CDH12: variants seen among roughly 807,000 people sequenced by gnomAD.
The protein encoded by CDH12 is cadherin-12.
In CDH12, 41 loss-of-function variants were observed where a neutral mutation model predicts 74.1. The observed-to-expected ratio is 0.55, with a 90% CI of 0.43 to 0.72. CDH12 has a LOEUF of 0.72. Among genes scored for constraint, CDH12 ranks in the 30% least tolerant of loss-of-function variants. The probability of loss-of-function intolerance (pLI) is 0.00; values close to 1 mark genes in which losing one functional copy is unlikely to be tolerated. For synonymous variants in CDH12, 399 were observed against 355.0 expected (o/e 1.12, Z -1.39); for missense variants, 945 against 977.2 (o/e 0.97, Z 0.44).
chr5:22,716,238 G>A (rs1277473009), intron 1 of CDH12, among the ~76,000 whole-genome samples: 2 of 152,092 alleles, frequency 1.3e-5, no homozygotes, highest in African/African-American at 4.8e-5. Flanking sequence ...GAATCAGTGT[G>A]AAGAGAGGAG....
At chr5:22,416,733 A>G (rs1743409221) in intron 2 of CDH12, among the ~76,000 whole-genome samples, 1 of 152,176 alleles carries the variant, frequency 6.6e-6, no homozygotes, top group African/African-American at 2.4e-5. Flanking sequence ...AAGGAATTGT[A>G]AGTGTGGTTT....
At chr5:22,621,597 T>C (rs1737975826) in intron 1 of CDH12, among the ~76,000 whole-genome samples, 1 of 152,098 alleles carries the variant, frequency 6.6e-6, no homozygotes, top group Admixed American at 6.6e-5. Flanking sequence ...TATTTCTCTA[T>C]ATATACTAAT....
At chr5:22,353,872 C>A (rs1457008741) in intron 3 of CDH12, among the ~76,000 whole-genome samples, 2 of 152,110 alleles carry the variant, frequency 1.3e-5, no homozygotes, top group Non-Finnish European at 2.9e-5. Context: ...GTGTCTGCAA[C>A]CCTGGTACAT....
chr5:22,059,165 T>G lies in CDH12; in HGVS notation c.231+19281A>C, dbSNP rs528548697. On this transcript the variant is annotated intron_variant, in intron 5 of 14. Transcript: ENST00000382254. ...TATTTTCCTAGTTGCTCAAAAGGTTTTAATCAAAGGGAAAAATTACTGGGA... is the reference window on the plus strand; with the variant it reads ...TATTTTCCTAGTTGCTCAAAAGGTTGTAATCAAAGGGAAAAATTACTGGGA... 2.6e-5 allele frequency among the ~76,000 whole-genome samples: 4 copies of G among 152,272 alleles called. No individual in the cohort carries two copies. The East Asian group carries it at 7.7e-4, about 29-fold the overall frequency.
chr5:22,106,863 G>A (rs981669428), intron 4 of CDH12, among the ~76,000 whole-genome samples: 5 of 152,142 alleles, frequency 3.3e-5, no homozygotes, highest in Non-Finnish European at 5.9e-5. Flanking sequence ...AGTGTAAGAT[G>A]TATTAATATT....
At position 22,366,773 on chromosome 5, in the gene CDH12, A is replaced by T. The variant is rs112924488; in HGVS notation, c.-333+38484T>A. On this transcript the variant is annotated intron_variant, in intron 3 of 14. Transcript: ENST00000382254. ...ACTAGCTTCACAGTTTAGATAGAGT[A>T]TATTCATTTAATAGCAAACTACTGT... 4.6e-3 allele frequency among the ~76,000 whole-genome samples: 699 copies of T among 152,324 alleles called. 4 individuals are homozygous for T. Among genetic ancestry groups the T allele is most frequent in the Admixed American group, 0.01 (156 of 15,292 alleles).
At chr5:22,465,545 C>T (rs1745693071) in intron 2 of CDH12, among the ~76,000 whole-genome samples, 1 of 152,096 alleles carries the variant, frequency 6.6e-6, no homozygotes, top group Non-Finnish European at 1.5e-5. Context: ...ACTTGGGAGG[C>T]TAAGGTAGGA....
At chr5:21,819,877 T>C (rs1227256742) in intron 8 of CDH12, among the ~76,000 whole-genome samples, 1 of 152,016 alleles carries the variant, frequency 6.6e-6, no homozygotes, top group Non-Finnish European at 1.5e-5. Context: ...GCTGGGGACA[T>C]TTCTGTTTAT....
intron 3 of CDH12, among the ~76,000 whole-genome samples, chr5:22,246,509 TA>T (rs1752949208): frequency 6.6e-6 from 1 of 152,168 alleles, no homozygotes; most frequent in Admixed American, 6.5e-5. Flanking sequence ...ATAATACATT[TA>T]AAATGCAGTA....
At chr5:22,234,893 A>G (rs1752509327) in intron 3 of CDH12, among the ~76,000 whole-genome samples, 1 of 152,272 alleles carries the variant, frequency 6.6e-6, no homozygotes, top group African/African-American at 2.4e-5. Flanking sequence ...TTTGAAAGAC[A>G]GATGGACTTT....
intron 4 of CDH12, among the ~76,000 whole-genome samples, chr5:22,105,423 C>T (rs1744378317): frequency 6.7e-6 from 1 of 148,540 alleles, no homozygotes; most frequent in African/African-American, 2.5e-5. Flanking sequence ...CCAGGCTGGG[C>T]CTGGTGGCTC....
chr5:21,804,044 A>G (rs1006181410), intron 9 of CDH12, among the ~76,000 whole-genome samples: 3 of 152,152 alleles, frequency 2.0e-5, no homozygotes, highest in African/African-American at 7.2e-5. Flanking sequence ...AATTCCCTAT[A>G]GGTATTCCTT....
chr5:22,643,093 T>G (rs1031308717), intron 1 of CDH12, among the ~76,000 whole-genome samples: 1 of 152,174 alleles, frequency 6.6e-6, no homozygotes, highest in African/African-American at 2.4e-5. Context: ...CAGAGATACC[T>G]GACTCTCCTA....
At chr5:21,919,980 GAAAT>G (rs1267908460) in intron 6 of CDH12, among the ~76,000 whole-genome samples, 1 of 152,000 alleles carries the variant, frequency 6.6e-6, no homozygotes, top group Non-Finnish European at 1.5e-5. Flanking sequence ...TATTTTGTAA[GAAAT>G]AAATGAGAAA....
chr5:22,251,431 T>C (rs1345087833), intron 3 of CDH12, among the ~76,000 whole-genome samples: 2 of 152,218 alleles, frequency 1.3e-5, no homozygotes, highest in Admixed American at 1.3e-4. Flanking sequence ...ACACTGGAAT[T>C]AATCTGAATC....
chr5:22,404,814 C>A (rs1374614923), intron 3 of CDH12, among the ~76,000 whole-genome samples: 1 of 152,026 alleles, frequency 6.6e-6, no homozygotes, highest in African/African-American at 2.4e-5. Context: ...AGTGTTGTAA[C>A]AATTTTAAGA....
chr5:21,760,821 A>G, intron 12 of CDH12, 146 bp from the exon 13 acceptor site: 1 of 647,234 alleles, frequency 1.5e-6, no homozygotes, highest in Non-Finnish European at 2.8e-6. Flanking sequence ...TTTACACATA[A>G]TGTTTATAAA....
At chr5:22,288,875 T>C (rs1389895884) in intron 3 of CDH12, among the ~76,000 whole-genome samples, 2 of 151,972 alleles carry the variant, frequency 1.3e-5, no homozygotes, top group Non-Finnish European at 2.9e-5. Context: ...GCAGAGTGGG[T>C]AGAGAGAAAT....
chr5:22,691,155 T>G (rs936004555), intron 1 of CDH12, among the ~76,000 whole-genome samples: 1 of 152,192 alleles, frequency 6.6e-6, no homozygotes, highest in African/African-American at 2.4e-5. Context: ...TAGCTAAACA[T>G]GTAACACTTC....
Sources: allele counts gnomAD v4.1 joint callset (sites outside exome capture counted in the v4.1 genomes callset), GRCh38; gene constraint gnomAD v4.1.1; transcripts MANE v1.5; gene names NCBI Gene and HGNC (gene_info 2026-07-23, HGNC 2026-07-21).